The following NKD1 variants were observed in gnomAD, a reference collection of about 807,000 sequenced individuals.
NKD1 encodes the protein protein naked cuticle homolog 1.
A neutral mutation model predicts 56.0 loss-of-function variants in NKD1; 21 were observed. That is an observed-to-expected ratio of 0.38 (90% CI 0.27 to 0.54). NKD1 has a LOEUF of 0.54. NKD1 is among the 20% of genes least tolerant of loss of function. The pLI, the probability that NKD1 is intolerant of heterozygous loss-of-function variation, is 0.82. For missense variants in NKD1, 578 were observed against 642.7 expected, an observed-to-expected ratio of 0.90 and a Z score of 1.09; for synonymous variants, 263 against 265.7, an observed-to-expected ratio of 0.99 and a Z score of 0.10.
chr16:50,553,746 A>G (rs544247373), intron 3 of NKD1: 1 of 152,412 alleles, frequency 6.6e-6, no homozygotes, highest in South Asian at 2.1e-4. Flanking sequence ...CAGGATTAAA[A>G]GATGATTTGC....
chr16:50,642,492 G>C lies in NKD1; in HGVS notation c.*8711G>C, dbSNP rs997082513. ...GGTTGAGACTTTGGACCTGAGCTGA[G>C]TCCTGGTTCTACTACTTCCTAGATG... On this transcript the variant is annotated 3_prime_UTR_variant, in exon 10 of 10. Coordinates refer to ENST00000268459, the MANE Select transcript of NKD1 (RefSeq NM_033119.5). 2.6e-5 allele frequency: 4 copies of C among 152,266 alleles called. No homozygotes were observed. Among genetic ancestry groups the C allele is most frequent in the Non-Finnish European group, 5.9e-5 (4 of 68,076 alleles). The allele number at this position is 152,266 out of a possible 1,614,324, so 9.4% of individuals were successfully genotyped here.
intron 3 of NKD1, among the ~76,000 whole-genome samples, chr16:50,570,476 C>T (rs1049363082): frequency 3.3e-5 from 5 of 152,174 alleles, no homozygotes; most frequent in Non-Finnish European, 7.3e-5. Flanking sequence ...CTGTACTGGC[C>T]CCAGAGATAG....
chr16:50,612,950 A>T (rs1353562832), intron 4 of NKD1, among the ~76,000 whole-genome samples: 1 of 152,052 alleles, frequency 6.6e-6, no homozygotes, highest in African/African-American at 2.4e-5. Flanking sequence ...CCAGGAGGTG[A>T]CTGCAGGGTC....
chr16:50,580,846 C>T (rs1224790382), intron 3 of NKD1, among the ~76,000 whole-genome samples: 2 of 152,212 alleles, frequency 1.3e-5, no homozygotes, highest in Non-Finnish European at 2.9e-5. Context: ...TGCCCACCAA[C>T]CCTGTTTCTC....
At chr16:50,597,412 G>A (rs945053789) in intron 3 of NKD1, among the ~76,000 whole-genome samples, 2 of 152,044 alleles carry the variant, frequency 1.3e-5, no homozygotes, top group Non-Finnish European at 2.9e-5. Flanking sequence ...TTGTTTTAAT[G>A]GAAAAACCGC....
chr16:50,576,039 G>C (rs1457538441), intron 3 of NKD1, among the ~76,000 whole-genome samples: 2 of 152,206 alleles, frequency 1.3e-5, no homozygotes, highest in Non-Finnish European at 2.9e-5. Flanking sequence ...GGAGCATCTG[G>C]GCTGCAGAGC....
chr16:50,571,725 C>T (rs1960888314), intron 3 of NKD1, among the ~76,000 whole-genome samples: 1 of 152,162 alleles, frequency 6.6e-6, no homozygotes, highest in African/African-American at 2.4e-5. Context: ...TCTAAGCCAT[C>T]ATCCTGTTGC....
chr16:50,613,347 G>A (rs746235143), intron 4 of NKD1, among the ~76,000 whole-genome samples: 24 of 152,104 alleles, frequency 1.6e-4, no homozygotes, highest in African/African-American at 5.8e-4. Flanking sequence ...GGACTCTCGG[G>A]CAAGGCTCCT....
rs755810904 is a variant in NKD1 at position 50,616,152 on chromosome 16, G to A, written c.260-5450G>A. 3 of 443,286 alleles carry A rather than the reference G, an allele frequency of 6.8e-6. No homozygotes were observed. In the Admixed American group the frequency reaches 7.1e-5, roughly 10 times the overall value. 27.5% of individuals were successfully genotyped at this position (443,286 alleles called of 1,614,324 possible). A position where few individuals can be genotyped will look rare whatever the true frequency, so the allele number is the denominator to read the frequency against. Reference sequence around the variant, plus strand: ...CGTGGACGATTGAGAAAGGACTGTGGATATGTCAGGGCGAGCATCCAGACT... The same window carrying A: ...CGTGGACGATTGAGAAAGGACTGTGAATATGTCAGGGCGAGCATCCAGACT... On this transcript the variant is annotated intron_variant, in intron 4 of 9. Transcript: ENST00000268459.
In NKD1 at chr16:50,633,969, A is replaced by G; in HGVS notation, c.*188A>G. The G allele has an allele frequency of 4.0e-6, 2 of 504,298 alleles. No homozygotes were observed. The highest frequency in any genetic ancestry group is 7.0e-6 in the Non-Finnish European group (2 of 285,654). The allele number at this position is 504,298 out of a possible 1,614,324, so 31.2% of individuals were successfully genotyped here. A position where few individuals can be genotyped will look rare whatever the true frequency, so the allele number is the denominator to read the frequency against. On this transcript the variant is annotated 3_prime_UTR_variant, in exon 10 of 10. Coordinates refer to ENST00000268459, the MANE Select transcript of NKD1 (RefSeq NM_033119.5). The surrounding 1 kb of genome is among the most constrained non-coding windows in gnomAD (Gnocchi z 4.9). Reference sequence around the variant, plus strand: ...AACACAGAACTAAACTTTTATTTATATGTTGTGGGGACTGCATAACTAGCC... The same window carrying G: ...AACACAGAACTAAACTTTTATTTATGTGTTGTGGGGACTGCATAACTAGCC...
chr16:50,609,932 G>A (rs2151275801), intron 4 of NKD1, among the ~76,000 whole-genome samples: 1 of 152,336 alleles, frequency 6.6e-6, no homozygotes, highest in East Asian at 1.9e-4. Context: ...TACCACATAT[G>A]CATATGACTG....
At chr16:50,608,175 C>T in intron 3 of NKD1, 119 bp from the exon 4 acceptor site, 2 of 777,898 alleles carry the variant, frequency 2.6e-6, no homozygotes, top group South Asian at 2.8e-5. Flanking sequence ...GGATCTGCCT[C>T]AGTTGACCTG....
At chr16:50,574,074 T>G (rs1960942098) in intron 3 of NKD1, 1 of 814,288 alleles carries the variant, frequency 1.2e-6, no homozygotes, top group African/African-American at 1.9e-5. Context: ...GTTTTACAGA[T>G]GGTAAAACTG....
rs149103833 is a variant in NKD1 at position 50,618,367 on chromosome 16, T to C, written c.260-3235T>C. On this transcript the variant is annotated intron_variant, in intron 4 of 9. Transcript: ENST00000268459. The stretch of plus-strand genomic sequence containing the variant: ...CCAAAGCTGATCTCAACTATCATCA[T>C]TGCAATCCCCCTTGGTGTGGCCTGG... Among the ~76,000 whole-genome samples the C allele has an allele frequency of 2.6e-5, 4 of 152,288 alleles. No homozygotes were observed. The East Asian group carries it at 5.8e-4, about 22-fold the overall frequency.
intron 3 of NKD1, among the ~76,000 whole-genome samples, chr16:50,564,556 T>A (rs772872492): frequency 5.3e-5 from 8 of 152,208 alleles, no homozygotes. Context: ...TCAGGTTCTT[T>A]GTGGCTCACT....
In NKD1 at chr16:50,548,515, G is replaced by C; in HGVS notation, c.-39G>C. The C allele has an allele frequency of 7.0e-7, 1 of 1,432,194 alleles. No homozygotes were observed. Among genetic ancestry groups the C allele is most frequent in the Non-Finnish European group, 9.1e-7 (1 of 1,095,492 alleles). 88.7% of individuals were successfully genotyped at this position (1,432,194 alleles called of 1,614,324 possible). A position where few individuals can be genotyped will look rare whatever the true frequency, so the allele number is the denominator to read the frequency against. On this transcript the variant is annotated 5_prime_UTR_variant, in exon 1 of 10. Transcript: ENST00000268459. ...GAGGCGCCAGGCCCGCGGGCCGGGC[G>C]CATGGCTTAGGGACGCTCCCGGCCG...
rs1339417154 is a variant in NKD1, at chr16:50,630,226, ACTC to A, written c.507_509del (p.Ser170del). 6.2e-7 allele frequency: 1 copy of A among 1,613,862 alleles called. No homozygotes were observed. Among genetic ancestry groups the A allele is most frequent in the African/African-American group, 1.3e-5 (1 of 74,962 alleles). On this transcript the variant is annotated inframe_deletion, in exon 7 of 10. Transcript: ENST00000268459. ...CTGCACACCATCTATGAGGTGGTGG[ACTC>A]CTCTGTCAACCACTCCCCAACATCC...
At chr16:50,570,846 T>C (rs1960865378) in intron 3 of NKD1, 1 of 985,366 alleles carries the variant, frequency 1.0e-6, no homozygotes. Context: ...TGCGGTAACA[T>C]CTGTACAGCA....
chr16:50,582,945 T>C (rs1961149226), intron 3 of NKD1, among the ~76,000 whole-genome samples: 1 of 152,088 alleles, frequency 6.6e-6, no homozygotes, highest in Non-Finnish European at 1.5e-5. Context: ...AGGCAGAGGT[T>C]GCAGTGAGCC....
Sources: gnomAD v4.1 joint callset for allele counts (sites outside exome capture counted in the v4.1 genomes callset) on GRCh38, gnomAD v4.1.1 for gene constraint, Gnocchi (gnomAD v3.1) non-coding constraint, MANE v1.5 for transcripts, NCBI Gene and HGNC (gene_info 2026-07-23, HGNC 2026-07-21) for gene names.